KCNJ16: variants seen among roughly 807,000 people sequenced by gnomAD.
The protein encoded by KCNJ16 is potassium inwardly rectifying channel subfamily J member 16.
KCNJ16 carries 15 observed loss-of-function variants against 18.5 expected under a neutral mutation model. The ratio of observed to expected loss-of-function variants is 0.81; its 90% CI spans 0.54 to 1.25. The LOEUF is 1.25. KCNJ16 is among the 50% of genes most tolerant of loss of function. The pLI is 0.00. For missense variants in KCNJ16, 523 were observed against 525.7 expected (o/e 0.99, Z 0.05); for synonymous variants, 174 against 186.5 (o/e 0.93, Z 0.55).
rs765753898 is a variant in KCNJ16, at chr17:70,133,097, C to G, written c.1010C>G (p.Pro337Arg). The G allele has an allele frequency of 5.6e-6, 9 of 1,614,038 alleles. No individual in the cohort carries two copies. Among genetic ancestry groups the G allele is most frequent in the Admixed American group, 1.7e-5 (1 of 59,984 alleles). The change falls in exon 4 of 4, where the codon CCC becomes CGC. Residue 337 changes from proline (P) to arginine (R), a missense_variant. Transcript: ENST00000392671. ...QFEGSVEVYA[P>R]FCSAKQLDWK... ...GAAGGAAGTGTGGAAGTATATGCCC[C>G]CTTTTGCAGTGCCAAGCAATTGGAC...
chr17:70,081,585 T>C lies in KCNJ16; in HGVS notation c.-300+6195T>C, dbSNP rs75353383. On this transcript the variant is annotated intron_variant, in intron 1 of 3. Coordinates refer to ENST00000392671, the MANE Select transcript of KCNJ16 (RefSeq NM_170741.4). The stretch of plus-strand genomic sequence containing the variant: ...GCATTATATTTCTATAGGCAGAATA[T>C]TGTTCGTGTGTCTCTGCACTATTGT... 5.4e-3 allele frequency among the ~76,000 whole-genome samples: 817 copies of C among 152,242 alleles called. 7 individuals carry two copies. Among genetic ancestry groups the C allele is most frequent in the African/African-American group, 0.019 (777 of 41,542 alleles).
chr17:70,088,300 C>T (rs1344972705), intron 1 of KCNJ16, among the ~76,000 whole-genome samples: 1 of 152,168 alleles, frequency 6.6e-6, no homozygotes, highest in Non-Finnish European at 1.5e-5. Flanking sequence ...GAGCGCACAA[C>T]CTAGATCCCT....
chr17:70,107,774 A>G (rs2073001800), intron 2 of KCNJ16, among the ~76,000 whole-genome samples: 1 of 152,160 alleles, frequency 6.6e-6, no homozygotes, highest in South Asian at 2.1e-4. Flanking sequence ...TCTTGGAAAG[A>G]CTTTCACCAC....
chr17:70,094,785 C>T (rs2072277188), intron 1 of KCNJ16, among the ~76,000 whole-genome samples: 2 of 152,154 alleles, frequency 1.3e-5, no homozygotes, highest in Non-Finnish European at 2.9e-5. Flanking sequence ...GTAGGCAAAT[C>T]ATGTTTCCAA....
intron 1 of KCNJ16, among the ~76,000 whole-genome samples, chr17:70,078,229 G>A (rs1026276970): frequency 1.3e-5 from 2 of 152,036 alleles, no homozygotes; most frequent in Non-Finnish European, 2.9e-5. Context: ...CAGTTGCCAT[G>A]GCTCCACATT....
chr17:70,108,889 A>G (rs111315131), intron 2 of KCNJ16, among the ~76,000 whole-genome samples: 196 of 152,008 alleles, frequency 1.3e-3, no homozygotes, highest in African/African-American at 4.5e-3. Flanking sequence ...CCTGCTTGTG[A>G]GTTTCTCCAA....
chr17:70,114,160 C>A (rs1015787430), intron 2 of KCNJ16, among the ~76,000 whole-genome samples: 1 of 152,066 alleles, frequency 6.6e-6, no homozygotes, highest in African/African-American at 2.4e-5. Context: ...ATAAAGATGT[C>A]CTGAATTTTC....
In KCNJ16 at chr17:70,133,202, G is replaced by A. The variant is rs2074126782; in HGVS notation, c.1115G>A (p.Arg372Lys). 1 of 1,614,080 alleles carries A rather than the reference G, an allele frequency of 6.2e-7. No individual in the cohort carries two copies. The highest frequency in any genetic ancestry group is 8.5e-7 in the Non-Finnish European group (1 of 1,180,040). Residue 372 changes from arginine to lysine, a missense_variant, in exon 4 of 4, where the codon AGG becomes AAG. Transcript: ENST00000392671. Reference protein sequence around the residue: ...SCTSDTKARRRSFSAVAIVSS... With the variant: ...SCTSDTKARRKSFSAVAIVSS... The stretch of plus-strand genomic sequence containing the variant: ...ACGTCGGACACCAAGGCGAGACGAA[G>A]GTCATTTAGTGCAGTTGCCATTGTC...
chr17:70,083,082 T>A (rs1010309919), intron 1 of KCNJ16, among the ~76,000 whole-genome samples: 2 of 151,746 alleles, frequency 1.3e-5, no homozygotes, highest in Non-Finnish European at 2.9e-5. Flanking sequence ...TGAGATGGAA[T>A]CTTGCTCTAT....
At chr17:70,095,762 T>A (rs2072330299) in intron 1 of KCNJ16, among the ~76,000 whole-genome samples, 1 of 151,746 alleles carries the variant, frequency 6.6e-6, no homozygotes, top group African/African-American at 2.4e-5. Flanking sequence ...GGCCACTGGA[T>A]ATCAAATGTG....
intron 2 of KCNJ16, among the ~76,000 whole-genome samples, chr17:70,117,331 G>A (rs1336868762): frequency 6.6e-6 from 1 of 152,008 alleles, no homozygotes; most frequent in Non-Finnish European, 1.5e-5. Flanking sequence ...TTCAAGGTTT[G>A]GAAAACTAAC....
chr17:70,099,482 T>G (rs724825), intron 1 of KCNJ16, among the ~76,000 whole-genome samples: 138,391 of 151,670 alleles, frequency 0.91, 63,285 homozygotes, highest in East Asian at 0.97. Context: ...GGGTAAGGTC[T>G]AGTCATCATA....
At chr17:70,119,697 C>A (rs1419766228) in intron 2 of KCNJ16, among the ~76,000 whole-genome samples, 1 of 152,206 alleles carries the variant, frequency 6.6e-6, no homozygotes, top group Admixed American at 6.5e-5. Flanking sequence ...CTGCACAAAG[C>A]AACAGGGCCC....
chr17:70,101,095 A>G (rs2072599920), intron 2 of KCNJ16: 2 of 152,338 alleles, frequency 1.3e-5, no homozygotes, highest in South Asian at 4.1e-4. Flanking sequence ...TGGTTATTTG[A>G]GTCTAGAGAA....
At chr17:70,119,555 A>C (rs1407274331) in intron 2 of KCNJ16, among the ~76,000 whole-genome samples, 2 of 152,190 alleles carry the variant, frequency 1.3e-5, no homozygotes, top group Non-Finnish European at 1.5e-5. Flanking sequence ...TGCAGGCTTA[A>C]CACCACATAG....
intron 1 of KCNJ16, among the ~76,000 whole-genome samples, chr17:70,089,108 T>A (rs996298368): frequency 6.6e-6 from 1 of 152,210 alleles, no homozygotes; most frequent in Non-Finnish European, 1.5e-5. Context: ...AACACAGGAA[T>A]ACAAACAGGC....
At chr17:70,116,119 CAAAATT>C (rs2073393803) in intron 2 of KCNJ16, among the ~76,000 whole-genome samples, 1 of 152,082 alleles carries the variant, frequency 6.6e-6, no homozygotes, top group Non-Finnish European at 1.5e-5. Context: ...CTAATCACAT[CAAAATT>C]AACATTTTGT....
At chr17:70,129,004 G>A (rs1046251753) in intron 2 of KCNJ16, 1 of 152,254 alleles carries the variant, frequency 6.6e-6, no homozygotes, top group Non-Finnish European at 1.5e-5. Flanking sequence ...GTGTCTTCCG[G>A]GCAGCCCTCT....
chr17:70,077,852 C>T (rs1381000630), intron 1 of KCNJ16, among the ~76,000 whole-genome samples: 1 of 150,136 alleles, frequency 6.7e-6, no homozygotes, highest in Non-Finnish European at 1.5e-5. Context: ...TTTTCAGGCC[C>T]AAGGGCCCAG....
Sources: allele counts gnomAD v4.1 joint callset (sites outside exome capture counted in the v4.1 genomes callset), GRCh38; gene constraint gnomAD v4.1.1; transcripts MANE v1.5; gene names NCBI Gene and HGNC (gene_info 2026-07-23, HGNC 2026-07-21).